FSTL5: variants seen among roughly 807,000 people sequenced by gnomAD.
The protein encoded by FSTL5 is follistatin like 5, also known as follistatin-related protein 5.
A neutral mutation model predicts 89.1 loss-of-function variants in FSTL5; 62 were observed. The observed-to-expected ratio is 0.70, with a 90% CI of 0.57 to 0.86. The LOEUF (loss-of-function observed/expected upper bound fraction) is 0.86. FSTL5 is among the 40% of genes least tolerant of loss of function. The pLI is 0.00. For missense variants in FSTL5, 1,057 were observed against 1,001.6 expected, an observed-to-expected ratio of 1.06 and a Z score of -0.75; for synonymous variants, 383 against 346.2, an observed-to-expected ratio of 1.11 and a Z score of -1.18.
At chr4:162,078,563 G>C (rs1266151006) in intron 2 of FSTL5, among the ~76,000 whole-genome samples, 2 of 151,790 alleles carry the variant, frequency 1.3e-5, no homozygotes, top group Non-Finnish European at 2.9e-5. Flanking sequence ...AGTGGTGGAA[G>C]TATTTCTCAT....
chr4:161,642,184 G>A (rs189299771), intron 7 of FSTL5, among the ~76,000 whole-genome samples: 1 of 152,012 alleles, frequency 6.6e-6, no homozygotes, highest in African/African-American at 2.4e-5. Context: ...TTGTGTGTGT[G>A]TAGTGAGAAC....
At chr4:161,796,247 A>C (rs1729628660) in intron 4 of FSTL5, among the ~76,000 whole-genome samples, 1 of 151,872 alleles carries the variant, frequency 6.6e-6, no homozygotes, top group Non-Finnish European at 1.5e-5. Flanking sequence ...CTTAGTCGAA[A>C]GTTTCCCTCA....
chr4:162,021,084 A>C (rs2111156930), intron 3 of FSTL5, among the ~76,000 whole-genome samples: 1 of 152,246 alleles, frequency 6.6e-6, no homozygotes, highest in Middle Eastern at 3.4e-3. Context: ...TTGCTGTGAT[A>C]AATACATTTT....
intron 3 of FSTL5, among the ~76,000 whole-genome samples, chr4:161,944,614 G>C (rs867647934): frequency 4.0e-5 from 6 of 151,496 alleles, no homozygotes; most frequent in Non-Finnish European, 8.8e-5. Context: ...AGAAAATTAC[G>C]TTATAAAAAG....
At chr4:162,080,330 ATAAT>A (rs2111331669) in intron 2 of FSTL5, among the ~76,000 whole-genome samples, 1 of 151,752 alleles carries the variant, frequency 6.6e-6, no homozygotes, top group East Asian at 1.9e-4. Context: ...ACTGATATGA[ATAAT>A]TAAGCCTCAT....
At chr4:161,923,110 A>G (rs1478775130) in intron 3 of FSTL5, among the ~76,000 whole-genome samples, 2 of 151,934 alleles carry the variant, frequency 1.3e-5, no homozygotes, top group African/African-American at 2.4e-5. Flanking sequence ...GCTTCTTCCA[A>G]CCATGCCCAA....
At chr4:161,735,052 A>G (rs1352280790) in intron 6 of FSTL5, among the ~76,000 whole-genome samples, 3 of 152,194 alleles carry the variant, frequency 2.0e-5, no homozygotes, top group Admixed American at 2.0e-4. Context: ...TCCAATGCCA[A>G]TCATAAGCTC....
intron 6 of FSTL5, among the ~76,000 whole-genome samples, chr4:161,741,390 T>C (rs1182365662): frequency 6.6e-6 from 1 of 152,116 alleles, no homozygotes; most frequent in Non-Finnish European, 1.5e-5. Flanking sequence ...GGCACAATGT[T>C]ACTGGTTTTA....
At chr4:161,558,096 T>C (rs890804518) in intron 8 of FSTL5, among the ~76,000 whole-genome samples, 14 of 151,914 alleles carry the variant, frequency 9.2e-5, no homozygotes, top group African/African-American at 3.4e-4. Context: ...TGCAGATGGA[T>C]ATCCAGATAA....
chr4:161,569,119 T>C (rs370019806), intron 8 of FSTL5, among the ~76,000 whole-genome samples: 5 of 152,286 alleles, frequency 3.3e-5, no homozygotes, highest in East Asian at 1.9e-4. Context: ...TATCTGAGAC[T>C]ACAAAAACAT....
intron 6 of FSTL5, among the ~76,000 whole-genome samples, chr4:161,758,668 G>A (rs1740668097): frequency 6.6e-6 from 1 of 151,914 alleles, no homozygotes; most frequent in Non-Finnish European, 1.5e-5. Flanking sequence ...CAGGCGCGCA[G>A]CACCACACCC....
At chr4:161,881,396 T>G (rs745746521) in intron 4 of FSTL5, among the ~76,000 whole-genome samples, 1 of 151,882 alleles carries the variant, frequency 6.6e-6, no homozygotes, top group Non-Finnish European at 1.5e-5. Context: ...GAAATATTCC[T>G]TAGAGTTTTA....
intron 1 of FSTL5, among the ~76,000 whole-genome samples, chr4:162,132,444 G>C (rs563656677): frequency 1.6e-4 from 24 of 152,094 alleles, no homozygotes; most frequent in Non-Finnish European, 2.8e-4. Flanking sequence ...GAACCCACCA[G>C]AAGGAAGAAA....
chr4:161,969,961 G>A (rs1039670366), intron 3 of FSTL5, among the ~76,000 whole-genome samples: 73 of 152,168 alleles, frequency 4.8e-4, no homozygotes, highest in Non-Finnish European at 2.5e-4. Flanking sequence ...CGATGCAGAG[G>A]GTGAAAGGGT....
At chr4:161,863,360 A>G (rs28435083) in intron 4 of FSTL5, among the ~76,000 whole-genome samples, 4,781 of 152,240 alleles carry the variant, frequency 0.031, 245 homozygotes, top group African/African-American at 0.11. Flanking sequence ...AGGCAAGGGA[A>G]GTTTTATCAT....
At chr4:161,503,368 C>T (rs1730367284) in intron 11 of FSTL5, among the ~76,000 whole-genome samples, 1 of 151,744 alleles carries the variant, frequency 6.6e-6, no homozygotes, top group Non-Finnish European at 1.5e-5. Flanking sequence ...CCCATATATG[C>T]TAAATTTTAA....
chr4:161,800,561 G>A (rs1022958173), intron 4 of FSTL5, among the ~76,000 whole-genome samples: 1 of 151,622 alleles, frequency 6.6e-6, no homozygotes, highest in African/African-American at 2.4e-5. Flanking sequence ...GTTCTCAATT[G>A]AGACAGAATT....
At chr4:162,039,236 T>A (rs1306213253) in intron 2 of FSTL5, among the ~76,000 whole-genome samples, 1 of 151,798 alleles carries the variant, frequency 6.6e-6, no homozygotes, top group African/African-American at 2.4e-5. Context: ...AAGTAGAAGA[T>A]ATCAAGTAGA....
At chr4:161,898,550 T>C (rs539995445) in intron 4 of FSTL5, among the ~76,000 whole-genome samples, 1 of 152,188 alleles carries the variant, frequency 6.6e-6, no homozygotes, top group Admixed American at 6.5e-5. Context: ...TGGTATCTAA[T>C]TGTCATTTAT....
Sources: allele counts gnomAD v4.1 joint callset (sites outside exome capture counted in the v4.1 genomes callset), GRCh38; gene constraint gnomAD v4.1.1; transcripts MANE v1.5; gene names NCBI Gene and HGNC (gene_info 2026-07-23, HGNC 2026-07-21).